NECAB1: variants seen among roughly 807,000 people sequenced by gnomAD.
NECAB1 encodes N-terminal EF-hand calcium-binding protein 1.
A neutral mutation model predicts 57.5 loss-of-function variants in NECAB1; 29 were observed. The observed-to-expected ratio is 0.50, with a 90% CI of 0.38 to 0.69. The LOEUF is 0.69. Among genes scored for constraint, NECAB1 ranks in the 30% least tolerant of loss-of-function variants. NECAB1 has a pLI of 0.00. For synonymous variants in NECAB1, 142 were observed against 147.7 expected, an observed-to-expected ratio of 0.96 and a Z score of 0.28; for missense variants, 372 against 413.8, an observed-to-expected ratio of 0.90 and a Z score of 0.88.
At chr8:90,808,347 C>T (rs771485128) in intron 2 of NECAB1, among the ~76,000 whole-genome samples, 11 of 152,120 alleles carry the variant, frequency 7.2e-5, no homozygotes, top group Admixed American at 1.3e-4. Context: ...GCAATTTAAT[C>T]GTCTACTCTG....
intron 3 of NECAB1, among the ~76,000 whole-genome samples, chr8:90,842,883 G>A (rs2129748818): frequency 6.6e-6 from 1 of 152,332 alleles, no homozygotes; most frequent in Middle Eastern, 3.4e-3. Flanking sequence ...GCCTCAGAAA[G>A]TGGCAGGTAG....
intron 5 of NECAB1, among the ~76,000 whole-genome samples, chr8:90,895,803 T>C (rs1415126504): frequency 1.3e-5 from 2 of 152,228 alleles, no homozygotes; most frequent in Admixed American, 6.5e-5. Flanking sequence ...AAGTATTCCA[T>C]AGAGAAGTAT....
intron 12 of NECAB1, among the ~76,000 whole-genome samples, chr8:90,953,211 AG>A (rs1329685267): frequency 1.3e-5 from 2 of 152,222 alleles, no homozygotes; most frequent in Non-Finnish European, 1.5e-5. Context: ...AGGATAGAAC[AG>A]GAGGCTACTG....
chr8:90,937,852 T>C (rs915534877), intron 9 of NECAB1, among the ~76,000 whole-genome samples: 4 of 152,180 alleles, frequency 2.6e-5, no homozygotes, highest in Non-Finnish European at 4.4e-5. Flanking sequence ...CGACGGATAA[T>C]GTCTTGAAGT....
intron 1 of NECAB1, among the ~76,000 whole-genome samples, chr8:90,799,131 GC>G (rs1318219304): frequency 7.2e-5 from 11 of 152,022 alleles, no homozygotes; most frequent in African/African-American, 2.4e-4. Context: ...CATGTCTTTT[GC>G]CCACTTCTTA....
chr8:90,866,796 C>T (rs1788414433), intron 3 of NECAB1, among the ~76,000 whole-genome samples: 1 of 152,126 alleles, frequency 6.6e-6, no homozygotes, highest in Admixed American at 6.5e-5. Context: ...CACTTTTACA[C>T]TGTCGGTGGG....
At chr8:90,947,071 G>C (rs1427928367) in intron 10 of NECAB1, among the ~76,000 whole-genome samples, 1 of 152,064 alleles carries the variant, frequency 6.6e-6, no homozygotes, top group African/African-American at 2.4e-5. Flanking sequence ...AATACATGTA[G>C]AAATCATCAC....
intron 3 of NECAB1, among the ~76,000 whole-genome samples, chr8:90,855,160 G>T (rs1408352877): frequency 2.0e-5 from 3 of 152,196 alleles, no homozygotes; most frequent in African/African-American, 7.2e-5. Context: ...AGATCAGTTA[G>T]ATTATTACCA....
At chr8:90,854,504 G>T (rs1812755340) in intron 3 of NECAB1, among the ~76,000 whole-genome samples, 1 of 152,082 alleles carries the variant, frequency 6.6e-6, no homozygotes, top group Non-Finnish European at 1.5e-5. Flanking sequence ...AAATACCAAG[G>T]AATCCTGAAA....
intron 3 of NECAB1, among the ~76,000 whole-genome samples, chr8:90,855,693 G>T (rs1812780258): frequency 6.6e-6 from 1 of 152,132 alleles, no homozygotes; most frequent in African/African-American, 2.4e-5. Context: ...TTGTAGGAGG[G>T]CTCACAATAC....
At chr8:90,855,262 A>G (rs1586061354) in intron 3 of NECAB1, among the ~76,000 whole-genome samples, 1 of 152,312 alleles carries the variant, frequency 6.6e-6, no homozygotes, top group East Asian at 1.9e-4. Context: ...TCAAAGAAAA[A>G]AAGTGCTTGA....
At chr8:90,925,938 C>T (rs367789804) in intron 7 of NECAB1, among the ~76,000 whole-genome samples, 14 of 152,208 alleles carry the variant, frequency 9.2e-5, no homozygotes, top group South Asian at 2.1e-4. Flanking sequence ...AAAGACTTGA[C>T]GTCTATAAGG....
At chr8:90,900,398 C>T (rs1809472585) in intron 5 of NECAB1, among the ~76,000 whole-genome samples, 2 of 152,134 alleles carry the variant, frequency 1.3e-5, no homozygotes, top group South Asian at 4.2e-4. Flanking sequence ...CTAGATGAAC[C>T]AGTGAACACA....
intron 3 of NECAB1, among the ~76,000 whole-genome samples, chr8:90,849,336 A>G (rs1405552723): frequency 2.6e-5 from 4 of 151,710 alleles, no homozygotes; most frequent in African/African-American, 4.8e-5. Flanking sequence ...GAGTGCGGCA[A>G]TGGGTGCCTG....
intron 1 of NECAB1, among the ~76,000 whole-genome samples, chr8:90,793,476 C>T (rs1811610192): frequency 6.6e-6 from 1 of 152,150 alleles, no homozygotes; most frequent in Admixed American, 6.5e-5. Context: ...TTTATCTCTG[C>T]CTGGCTTGGG....
At chr8:90,814,344 GC>G (rs1416404371) in intron 2 of NECAB1, among the ~76,000 whole-genome samples, 1 of 152,110 alleles carries the variant, frequency 6.6e-6, no homozygotes, top group African/African-American at 2.4e-5. Flanking sequence ...GGCTGAGGTA[GC>G]ATTTGTCAGC....
At chr8:90,864,672 T>C (rs1441944179) in intron 3 of NECAB1, among the ~76,000 whole-genome samples, 2 of 152,136 alleles carry the variant, frequency 1.3e-5, no homozygotes, top group African/African-American at 2.4e-5. Flanking sequence ...TCATTTATGC[T>C]GTCCCACTCC....
At chr8:90,949,377 G>A (rs557582536) in intron 10 of NECAB1, among the ~76,000 whole-genome samples, 1 of 152,258 alleles carries the variant, frequency 6.6e-6, no homozygotes, top group South Asian at 2.1e-4. Context: ...GTATGGCTAA[G>A]AATTTGGCAG....
At chr8:90,814,513 G>T (rs964005530) in intron 2 of NECAB1, among the ~76,000 whole-genome samples, 7 of 152,122 alleles carry the variant, frequency 4.6e-5, no homozygotes, top group Non-Finnish European at 8.8e-5. Context: ...CTGCATGGGA[G>T]ATTTGTCTAT....
Sources: allele counts gnomAD v4.1 joint callset (sites outside exome capture counted in the v4.1 genomes callset), GRCh38; gene constraint gnomAD v4.1.1; transcripts MANE v1.5; gene names NCBI Gene and HGNC (gene_info 2026-07-23, HGNC 2026-07-21).